Variants in IGDCC4 observed in about 807,000 individuals in gnomAD.
IGDCC4 encodes the protein likely ortholog of mouse neighbor of Punc E11.
In IGDCC4, 72 loss-of-function variants were observed where a neutral mutation model predicts 116.6. The observed-to-expected ratio is 0.62, with a 90% CI of 0.51 to 0.75. The LOEUF (loss-of-function observed/expected upper bound fraction) is 0.75. IGDCC4 is among the 30% of genes least tolerant of loss of function. IGDCC4 has a pLI of 0.00. For synonymous variants in IGDCC4, 709 were observed against 719.9 expected (o/e 0.98, Z 0.24); for missense variants, 1,501 against 1,662.4 (o/e 0.90, Z 1.69).
chr15:65,418,880 G>C (rs2063166646), intron 1 of IGDCC4, among the ~76,000 whole-genome samples: 1 of 152,104 alleles, frequency 6.6e-6, no homozygotes. Context: ...CACTTGAGAG[G>C]GAGAGCATGA....
intron 1 of IGDCC4, among the ~76,000 whole-genome samples, chr15:65,413,104 C>A (rs2063113680): frequency 1.3e-5 from 2 of 151,670 alleles, no homozygotes; most frequent in South Asian, 4.2e-4. Flanking sequence ...TAAGTCCCAG[C>A]TGTTTGGGGG....
In IGDCC4 at chr15:65,395,887, C is replaced by G. The variant is rs532296019; in HGVS notation, c.1274G>C (p.Arg425Pro). Residue 425 changes from arginine to proline, a missense_variant, in exon 7 of 20, where the codon CGC becomes CCC. By Grantham distance (103) the Arg-to-Pro change is moderately radical. Transcript: ENST00000352385. ...CAAASLAVVVREGLPSAPTRV... is the reference protein window; with the variant it reads ...CAAASLAVVVPEGLPSAPTRV... ...CGTGGGGGCGCTGGGCAGCCCCTCG[C>G]GCACCACCACGGCCAGCGACGCGGC... The G allele has an allele frequency of 2.5e-6, 4 of 1,588,048 alleles. No homozygotes were observed. The South Asian group carries it at 3.4e-5, about 13-fold the overall frequency.
chr15:65,412,561 G>A (rs2140235653), intron 1 of IGDCC4, among the ~76,000 whole-genome samples: 1 of 141,178 alleles, frequency 7.1e-6, no homozygotes. Flanking sequence ...ACACAGAATG[G>A]GAGCTCAGTA....
Position 65,422,882 on chromosome 15 carries a change from CGCCGCCGCCGCCGCCTCCCCGTGCTTCG to C in IGDCC4, c.-48_-21del, listed in dbSNP as rs1368701790. On this transcript the variant is annotated 5_prime_UTR_variant, in exon 1 of 20. Coordinates refer to ENST00000352385, the MANE Select transcript of IGDCC4 (RefSeq NM_020962.3). ...CGCCATGGGGCTGGGCTCGGGCCGC[CGCCGCCGCCGCCGCCTCCCCGTGCTTCG>C]GCCGCCGCCGCGGGGGGAGAGCGCG... 35 of 1,054,496 alleles carry C rather than the reference CGCCGCCGCCGCCGCCTCCCCGTGCTTCG, an allele frequency of 3.3e-5. No individual in the cohort carries two copies. The highest frequency in any genetic ancestry group is 5.6e-5 in the Admixed American group (1 of 17,856). 65.3% of individuals were successfully genotyped at this position (1,054,496 alleles called of 1,614,324 possible).
At position 65,385,973 on chromosome 15, in the gene IGDCC4, G is replaced by T. The variant is rs561758550; in HGVS notation, c.3038C>A (p.Pro1013Gln). 6.3e-7 allele frequency: 1 copy of T among 1,594,418 alleles called. No homozygotes were observed. Among genetic ancestry groups the T allele is most frequent in the Non-Finnish European group, 8.6e-7 (1 of 1,169,222 alleles). Reference protein sequence around the residue: ...SRARLGPPSPPAAHELESLVH... With the variant: ...SRARLGPPSPQAAHELESLVH... ...AAGGGACTCCAATTCATGGGCAGCT[G>T]GGGGGCTGGGGGGGCCAAGCCGAGC... The change falls in exon 18 of 20, where the codon CCA becomes CAA. Residue 1013 changes from proline (P) to glutamine (Q), a missense_variant. Pro to Gln is a moderately conservative substitution (Grantham distance 76). This residue lies in a region of IGDCC4 where 368 missense variants were observed against 355.6 expected (regional missense o/e 1.03). Coordinates refer to ENST00000352385, the MANE Select transcript of IGDCC4 (RefSeq NM_020962.3).
chr15:65,413,214 T>A (rs1384996411), intron 1 of IGDCC4, among the ~76,000 whole-genome samples: 1 of 152,074 alleles, frequency 6.6e-6, no homozygotes, highest in African/African-American at 2.4e-5. Context: ...AGGTAGGGAC[T>A]AGACTCAAGC....
intron 10 of IGDCC4, among the ~76,000 whole-genome samples, chr15:65,392,927 C>T (rs1595779844): frequency 1.3e-5 from 2 of 152,266 alleles, no homozygotes; most frequent in East Asian, 3.9e-4. Context: ...AAAACTGAAG[C>T]TCAGAGAGTT....
intron 7 of IGDCC4, 121 bp downstream of exon 7, chr15:65,395,629 C>A (rs192434804): frequency 4.4e-6 from 5 of 1,140,102 alleles, no homozygotes; most frequent in Non-Finnish European, 5.9e-6. Flanking sequence ...GGGCTCCTAC[C>A]CCAGTCCATC....
rs1439060457 is a variant in IGDCC4, at chr15:65,411,355, G to T, written c.86C>A (p.Pro29His). The change falls in exon 2 of 20, where the codon CCC becomes CAC. Residue 29 changes from proline to histidine, a missense_variant. Physicochemically the swap from Pro to His is moderately conservative, Grantham distance 77. Transcript: ENST00000352385. ...GCTCAGCTCCACAGTCGTCTCCTGGGGCAACAGCAGCTCCCCTGCATAGAG... is the reference window on the plus strand; with the variant it reads ...GCTCAGCTCCACAGTCGTCTCCTGGTGCAACAGCAGCTCCCCTGCATAGAG... Reference protein sequence around the residue: ...LLAARGELLLPQETTVELSCG... With the variant: ...LLAARGELLLHQETTVELSCG... The T allele has an allele frequency of 6.3e-7, 1 of 1,574,914 alleles. No homozygotes were observed. Among genetic ancestry groups the T allele is most frequent in the East Asian group, 2.3e-5 (1 of 44,402 alleles).
intron 2 of IGDCC4, chr15:65,410,698 A>T: frequency 2.1e-6 from 1 of 466,998 alleles, no homozygotes; most frequent in Non-Finnish European, 3.8e-6. Context: ...GAGCTCCCTT[A>T]GGAGGCAGCT....
chr15:65,422,791 A>C lies in IGDCC4; in HGVS notation c.70+2T>G. The C allele has an allele frequency of 2.8e-5, 36 of 1,293,046 alleles. No individual in the cohort carries two copies. The highest frequency in any genetic ancestry group is 1.7e-4 in the East Asian group (5 of 28,910). The allele number at this position is 1,293,046 out of a possible 1,614,324, so 80.1% of individuals were successfully genotyped here. A position where few individuals can be genotyped will look rare whatever the true frequency, so the allele number is the denominator to read the frequency against. On this transcript the variant is annotated splice_donor_variant, in intron 1 of 19. Transcript: ENST00000352385. LOFTEE classifies it high-confidence loss of function. ...CCTGCCTCTCCGGGCGCCCGCCCTT[A>C]CCGCGCGCGGCCAACAGGCAGAAGG...
rs1488954541 is a variant in IGDCC4 at position 65,396,109 on chromosome 15, G to C, written c.1052C>G (p.Thr351Arg). ...CGACGCGCGGCACACGAAGCGCGCT[G>C]TGCTCGCCCGCGTCCGCGACAGCGC... is the stretch of plus-strand genomic sequence containing the variant. ...PEALSRTRASTARFVCRASGE... is the reference protein window; with the variant it reads ...PEALSRTRASRARFVCRASGE... Residue 351 changes from threonine (T) to arginine (R), a missense_variant, in exon 7 of 20, where the codon ACA becomes AGA. By Grantham distance (71) the Thr-to-Arg change is moderately conservative. This residue lies in a region of IGDCC4 where 898 missense variants were observed against 978.9 expected (regional missense o/e 0.92). Coordinates refer to ENST00000352385, the MANE Select transcript of IGDCC4 (RefSeq NM_020962.3). The C allele has an allele frequency of 1.6e-5, 23 of 1,449,292 alleles. No homozygotes were observed. The highest frequency in any genetic ancestry group is 1.8e-6 in the Non-Finnish European group (2 of 1,108,338). The allele number at this position is 1,449,292 out of a possible 1,614,324, so 89.8% of individuals were successfully genotyped here.
At chr15:65,410,522 GC>G (rs1334582927) in intron 2 of IGDCC4, 3 of 606,340 alleles carry the variant, frequency 4.9e-6, no homozygotes, top group East Asian at 5.6e-5. Flanking sequence ...GAATTCCAAA[GC>G]CCCCCTGCCC....
intron 3 of IGDCC4, among the ~76,000 whole-genome samples, chr15:65,407,829 T>G (rs2063054227): frequency 6.7e-6 from 1 of 150,006 alleles, no homozygotes; most frequent in Admixed American, 6.6e-5. Context: ...AGAGATAGGG[T>G]TTCACCATGT....
At chr15:65,404,397 A>G (rs1369123731) in intron 3 of IGDCC4, among the ~76,000 whole-genome samples, 1 of 152,110 alleles carries the variant, frequency 6.6e-6, no homozygotes, top group East Asian at 1.9e-4. Flanking sequence ...CTGCTGCCAG[A>G]GAAGAACTGA....
At chr15:65,388,245 A>AG (rs1466653657) in intron 16 of IGDCC4, among the ~76,000 whole-genome samples, 9 of 140,376 alleles carry the variant, frequency 6.4e-5, no homozygotes, top group Admixed American at 3.0e-4. Context: ...ACTCCATCTC[A>AG]GAAAAAAAAA....
At chr15:65,422,770 C>A in intron 1 of IGDCC4, 23 bp downstream of exon 1, 6 of 1,333,692 alleles carry the variant, frequency 4.5e-6, no homozygotes, top group Non-Finnish European at 5.8e-6. Context: ...GTCGCTCCTG[C>A]CTCTCCGGGC....
chr15:65,392,478 G>T, intron 10 of IGDCC4, 108 bp from the exon 11 acceptor site: 1 of 847,894 alleles, frequency 1.2e-6, no homozygotes, highest in Non-Finnish European at 1.8e-6. Context: ...GAGACAGGAA[G>T]ATGGCATTCA....
At chr15:65,400,993 C>T (rs1244761874) in intron 4 of IGDCC4, 47 bp from the exon 5 acceptor site, 1 of 1,611,624 alleles carries the variant, frequency 6.2e-7, no homozygotes, top group African/African-American at 1.3e-5. Context: ...TAGGCATTTG[C>T]CATGCGATAC....
Sources: allele counts gnomAD v4.1 joint callset (sites outside exome capture counted in the v4.1 genomes callset), GRCh38; gene constraint gnomAD v4.1.1; regional missense constraint gnomAD v4.1.1; transcripts MANE v1.5; gene names NCBI Gene and HGNC (gene_info 2026-07-23, HGNC 2026-07-21).